The following CLASP2 variants were observed in gnomAD, a reference collection of about 807,000 sequenced individuals.
The protein encoded by CLASP2 is cytoplasmic linker associated protein 2.
CLASP2 carries 47 observed loss-of-function variants against 194.4 expected under a neutral mutation model. That is an observed-to-expected ratio of 0.24 (90% CI 0.19 to 0.31). The LOEUF is 0.31. Among genes scored for constraint, CLASP2 ranks in the 10% least tolerant of loss-of-function variants. The pLI is 1.00. For synonymous variants in CLASP2, 619 were observed against 633.5 expected, an observed-to-expected ratio of 0.98 and a Z score of 0.34; for missense variants, 1,445 against 1,823.6, an observed-to-expected ratio of 0.79 and a Z score of 3.78.
At chr3:33,673,992 T>C (rs2087954858) in intron 6 of CLASP2, among the ~76,000 whole-genome samples, 1 of 152,160 alleles carries the variant, frequency 6.6e-6, no homozygotes, top group Non-Finnish European at 1.5e-5. Context: ...ATATTAATAA[T>C]GGGAGACTTT....
At chr3:33,554,282 T>C (rs1048487766) in intron 29 of CLASP2, among the ~76,000 whole-genome samples, 25 of 144,126 alleles carry the variant, frequency 1.7e-4, no homozygotes, top group Admixed American at 1.4e-3. Context: ...GTTGTAAAGA[T>C]AAAGAAAATG....
At position 33,550,812 on chromosome 3, in the gene CLASP2, G is replaced by A. The variant is rs376334543; in HGVS notation, c.3153+440C>T. 6.6e-4 allele frequency among the ~76,000 whole-genome samples: 101 copies of A among 152,286 alleles called. 4 individuals are homozygous for A. The South Asian group carries it at 0.021, about 31-fold the overall frequency. ...CTGATAACTAGTAATTGATTCATAAGTAGTTTATGAATACCTTAGAAAGGA... is the reference window on the plus strand; with the variant it reads ...CTGATAACTAGTAATTGATTCATAAATAGTTTATGAATACCTTAGAAAGGA... On this transcript the variant is annotated intron_variant, in intron 30 of 38. Coordinates refer to ENST00000682230, the MANE Select transcript of CLASP2 (RefSeq NM_001365631.1).
At chr3:33,672,462 G>C (rs542567216) in intron 6 of CLASP2, among the ~76,000 whole-genome samples, 2,332 of 152,240 alleles carry the variant, frequency 0.015, 21 homozygotes, top group Non-Finnish European at 0.024. Context: ...CATCATCAAA[G>C]ACCAAAAGTA....
At chr3:33,602,541 A>G in intron 18 of CLASP2, 1 of 763,046 alleles carries the variant, frequency 1.3e-6, no homozygotes, top group East Asian at 2.4e-5. Context: ...GTTTGGTTAG[A>G]CAGAGTAGAG....
intron 21 of CLASP2, among the ~76,000 whole-genome samples, chr3:33,591,982 A>C (rs1322593855): frequency 6.6e-6 from 1 of 152,242 alleles, no homozygotes; most frequent in Non-Finnish European, 1.5e-5. Context: ...TCTAAAAAGC[A>C]TAATTTTCTA....
intron 37 of CLASP2, among the ~76,000 whole-genome samples, chr3:33,508,872 G>A (rs2049013320): frequency 6.6e-6 from 1 of 152,078 alleles, no homozygotes; most frequent in South Asian, 2.1e-4. Flanking sequence ...TTAATTCATT[G>A]TAGCATTATT....
chr3:33,704,205 C>A (rs905672167), intron 1 of CLASP2, among the ~76,000 whole-genome samples: 4 of 152,024 alleles, frequency 2.6e-5, no homozygotes, highest in African/African-American at 9.7e-5. Context: ...TAGAGTGAAG[C>A]CTAATGTAAA....
rs149648941 is a variant in CLASP2 at position 33,507,979 on chromosome 3, T to G, written c.4317+2579A>C. 9.1e-3 allele frequency among the ~76,000 whole-genome samples: 1,366 copies of G among 150,518 alleles called. 21 individuals carry two copies. The highest frequency in any genetic ancestry group is 0.032 in the African/African-American group (1,314 of 41,136). On this transcript the variant is annotated intron_variant, in intron 37 of 38. Coordinates refer to ENST00000682230, the MANE Select transcript of CLASP2 (RefSeq NM_001365631.1). Reference sequence around the variant, plus strand: ...AAATATATATATATATATGTGTGTGTGTGTATATATATAATATATATATAT... The same window carrying G: ...AAATATATATATATATATGTGTGTGGGTGTATATATATAATATATATATAT...
intron 36 of CLASP2, 110 bp downstream of exon 36, chr3:33,515,913 G>T: frequency 9.0e-7 from 1 of 1,116,126 alleles, no homozygotes; most frequent in Non-Finnish European, 1.2e-6. Flanking sequence ...TACCCTGAAT[G>T]TCAAGGCAAA....
chr3:33,513,461 G>A (rs908600844), intron 36 of CLASP2, among the ~76,000 whole-genome samples: 2 of 152,090 alleles, frequency 1.3e-5, no homozygotes, highest in South Asian at 2.1e-4. Context: ...GAACTCAGGA[G>A]GCAAGGGTTG....
chr3:33,541,174 A>T (rs2058290135), intron 32 of CLASP2, among the ~76,000 whole-genome samples: 1 of 152,148 alleles, frequency 6.6e-6, no homozygotes. Context: ...TCTTTCTGTT[A>T]TAAAGACACA....
intron 1 of CLASP2, 109 bp from the exon 2 acceptor site, chr3:33,697,042 A>C: frequency 1.5e-6 from 1 of 680,140 alleles, no homozygotes; most frequent in Non-Finnish European, 2.5e-6. Flanking sequence ...TACATTTTTT[A>C]AAAATGAGAT....
intron 27 of CLASP2, among the ~76,000 whole-genome samples, chr3:33,563,538 G>GT (rs1465336514): frequency 6.6e-6 from 1 of 152,242 alleles, no homozygotes; most frequent in East Asian, 1.9e-4. Context: ...AACCATTTTT[G>GT]TAACAGGCCA....
intron 1 of CLASP2, among the ~76,000 whole-genome samples, chr3:33,699,440 G>A (rs2092210377): frequency 1.3e-5 from 2 of 151,586 alleles, no homozygotes; most frequent in Non-Finnish European, 2.9e-5. Context: ...TAAAACCAAA[G>A]GAAAGAAAAA....
At chr3:33,690,500 T>C (rs1429212111) in intron 2 of CLASP2, among the ~76,000 whole-genome samples, 2 of 152,166 alleles carry the variant, frequency 1.3e-5, no homozygotes, top group South Asian at 2.1e-4. Context: ...TGCCACCTAC[T>C]ATCACTATCA....
rs2045950809 is a variant in CLASP2, at chr3:33,497,533, G to GT, written c.*1097dup. On this transcript the variant is annotated 3_prime_UTR_variant, in exon 39 of 39. Coordinates refer to ENST00000682230, the MANE Select transcript of CLASP2 (RefSeq NM_001365631.1). ...ACTATAGGCAGCAGCTCAGTTAAAA[G>GT]TATTAGCCCTGAAGAGGTAGAGAAT... 1 of 152,584 alleles carries GT rather than the reference G, an allele frequency of 6.6e-6. No homozygotes were observed. The highest frequency in any genetic ancestry group is 1.5e-5 in the Non-Finnish European group (1 of 68,026). The allele number at this position is 152,584 out of a possible 1,614,324, so 9.5% of individuals were successfully genotyped here. A position where few individuals can be genotyped will look rare whatever the true frequency, so the allele number is the denominator to read the frequency against.
intron 10 of CLASP2, among the ~76,000 whole-genome samples, chr3:33,622,878 G>GCTCCACTGCAACTTGCAC (rs1553614359): frequency 3.3e-5 from 5 of 151,620 alleles, no homozygotes; most frequent in African/African-American, 4.9e-5. Context: ...TGCCACTGCA[G>GCTCCACTGCAACTTGCAC]CTCCACTGCA....
At chr3:33,543,321 T>G in intron 32 of CLASP2, 112 bp downstream of exon 32, 1 of 693,858 alleles carries the variant, frequency 1.4e-6, no homozygotes, top group Non-Finnish European at 2.5e-6. Context: ...TGCAGTGAGT[T>G]GAGATCACAC....
chr3:33,513,551 C>T (rs1379575270), intron 36 of CLASP2, among the ~76,000 whole-genome samples: 1 of 152,026 alleles, frequency 6.6e-6, no homozygotes, highest in Non-Finnish European at 1.5e-5. Flanking sequence ...ACCCCAAAAC[C>T]CCTGCAAAAA....
Sources: gnomAD v4.1 joint callset for allele counts (sites outside exome capture counted in the v4.1 genomes callset) on GRCh38, gnomAD v4.1.1 for gene constraint, MANE v1.5 for transcripts, NCBI Gene and HGNC (gene_info 2026-07-23, HGNC 2026-07-21) for gene names.